Variants in RBFOX1 observed in about 807,000 individuals in gnomAD.
RBFOX1 encodes RNA binding protein fox-1 homolog 1.
Under a neutral mutation model 57.7 loss-of-function variants are expected in RBFOX1, and 8 were observed. The observed-to-expected ratio is 0.14, with a 90% confidence interval of 0.08 to 0.25. The LOEUF (loss-of-function observed/expected upper bound fraction) is 0.25. Ranked by LOEUF, RBFOX1 falls within the 10% of genes least tolerant of loss-of-function variation. RBFOX1 has a pLI of 1.00. For synonymous variants in RBFOX1, 326 were observed against 222.4 expected (o/e 1.47, Z -4.15); for missense variants, 611 against 548.5 (o/e 1.11, Z -1.14).
intron 5 of RBFOX1, among the ~76,000 whole-genome samples, chr16:7,568,274 G>A (rs555833371): frequency 1.3e-5 from 2 of 152,168 alleles, no homozygotes; most frequent in Admixed American, 1.3e-4. Flanking sequence ...TATTAAACAA[G>A]GGGTGGATTA....
At chr16:7,622,111 G>C (rs930643426) in intron 10 of RBFOX1, among the ~76,000 whole-genome samples, 5 of 152,164 alleles carry the variant, frequency 3.3e-5, no homozygotes, top group Admixed American at 2.6e-4. Context: ...AGTTGGATTT[G>C]GCCAAAAGTC....
chr16:5,756,780 A>G (rs987167499), intron 3 of RBFOX1, among the ~76,000 whole-genome samples: 1 of 152,314 alleles, frequency 6.6e-6, no homozygotes, highest in East Asian at 1.9e-4. Context: ...CTTGCCAGGG[A>G]TCTTGGCAAA....
intron 4 of RBFOX1, among the ~76,000 whole-genome samples, chr16:7,139,626 C>T (rs1276463733): frequency 6.6e-6 from 1 of 152,078 alleles, no homozygotes; most frequent in Non-Finnish European, 1.5e-5. Flanking sequence ...GATCAGAGAC[C>T]TGAGTCCACC....
chr16:6,790,800 C>T (rs2082794390), intron 3 of RBFOX1, among the ~76,000 whole-genome samples: 1 of 152,060 alleles, frequency 6.6e-6, no homozygotes, highest in African/African-American at 2.4e-5. Context: ...AATAGTTCTG[C>T]TAGAGGGTGG....
chr16:7,488,510 T>A (rs917572490), intron 4 of RBFOX1, among the ~76,000 whole-genome samples: 1 of 152,204 alleles, frequency 6.6e-6, no homozygotes, highest in Non-Finnish European at 1.5e-5. Flanking sequence ...ATTCATCCAT[T>A]GTCTACCTAT....
chr16:6,589,763 T>C (rs2097684703), intron 2 of RBFOX1, among the ~76,000 whole-genome samples: 1 of 152,236 alleles, frequency 6.6e-6, no homozygotes, highest in Non-Finnish European at 1.5e-5. Context: ...AAAATTAAAC[T>C]ATAAACTAGG....
At chr16:6,617,988 C>T (rs765221672) in intron 2 of RBFOX1, among the ~76,000 whole-genome samples, 1 of 152,060 alleles carries the variant, frequency 6.6e-6, no homozygotes, top group Non-Finnish European at 1.5e-5. Context: ...AGAAGGCTAC[C>T]CTTATCTTTT....
At chr16:7,236,133 A>C (rs184679939) in intron 4 of RBFOX1, among the ~76,000 whole-genome samples, 1 of 152,188 alleles carries the variant, frequency 6.6e-6, no homozygotes, top group Admixed American at 6.5e-5. Flanking sequence ...TGTTTGTGTC[A>C]TATCCTGCTC....
chr16:5,434,248 A>C (rs1292667593), intron 1 of RBFOX1, among the ~76,000 whole-genome samples: 1 of 151,530 alleles, frequency 6.6e-6, no homozygotes, highest in African/African-American at 2.4e-5. Context: ...GAGGCCTTAG[A>C]AGAGAAATAT....
At chr16:6,203,912 A>G (rs2097234698) in intron 1 of RBFOX1, among the ~76,000 whole-genome samples, 1 of 151,868 alleles carries the variant, frequency 6.6e-6, no homozygotes, top group African/African-American at 2.4e-5. Flanking sequence ...TGATCCCTGC[A>G]TACACAAACA....
At chr16:7,649,084 G>A (rs1401578643) in intron 11 of RBFOX1, among the ~76,000 whole-genome samples, 1 of 152,146 alleles carries the variant, frequency 6.6e-6, no homozygotes, top group African/African-American at 2.4e-5. Flanking sequence ...CCAGTCCACA[G>A]TGCAAAGCAA....
At chr16:6,854,529 TG>T (rs2057435146) in intron 3 of RBFOX1, among the ~76,000 whole-genome samples, 1 of 150,878 alleles carries the variant, frequency 6.6e-6, no homozygotes, top group African/African-American at 2.4e-5. Flanking sequence ...CTGTTTTGCC[TG>T]GCCAACGACA....
intron 1 of RBFOX1, among the ~76,000 whole-genome samples, chr16:5,378,961 C>T (rs910272886): frequency 1.3e-5 from 2 of 151,614 alleles, no homozygotes; most frequent in African/African-American, 4.9e-5. Flanking sequence ...ACTCTGCTGC[C>T]AATAATCTTT....
At chr16:6,394,305 C>T (rs2092728147) in intron 2 of RBFOX1, among the ~76,000 whole-genome samples, 1 of 152,274 alleles carries the variant, frequency 6.6e-6, no homozygotes, top group Admixed American at 6.5e-5. Context: ...TAATTAGTTT[C>T]TGAAGTGCTG....
At chr16:5,281,226 T>A (rs996447570) in intron 1 of RBFOX1, among the ~76,000 whole-genome samples, 1 of 152,196 alleles carries the variant, frequency 6.6e-6, no homozygotes, top group African/African-American at 2.4e-5. Flanking sequence ...TCCATGTATT[T>A]GTACAGTTTC....
At chr16:5,624,536 G>A (rs1451443496) in intron 3 of RBFOX1, among the ~76,000 whole-genome samples, 1 of 152,244 alleles carries the variant, frequency 6.6e-6, no homozygotes, top group African/African-American at 2.4e-5. Flanking sequence ...GTGGGGAAAA[G>A]CTCCTGAGAA....
chr16:6,711,312 G>C (rs1568313020), intron 3 of RBFOX1, among the ~76,000 whole-genome samples: 1 of 152,058 alleles, frequency 6.6e-6, no homozygotes, highest in East Asian at 1.9e-4. Context: ...GAGAATAAAA[G>C]AAAAAGTCCT....
intron 2 of RBFOX1, among the ~76,000 whole-genome samples, chr16:6,435,101 C>T (rs1031957258): frequency 7.9e-5 from 12 of 152,158 alleles, no homozygotes; most frequent in African/African-American, 2.9e-4. Context: ...ATTAGTCAGT[C>T]GAAGTGTCTA....
chr16:7,466,730 C>G (rs934419681), intron 4 of RBFOX1, among the ~76,000 whole-genome samples: 1 of 152,174 alleles, frequency 6.6e-6, no homozygotes, highest in Non-Finnish European at 1.5e-5. Context: ...TGATGATGCC[C>G]AGGTATCCAC....
Sources: allele counts gnomAD v4.1 joint callset (sites outside exome capture counted in the v4.1 genomes callset), GRCh38; gene constraint gnomAD v4.1.1; transcripts MANE v1.5; gene names NCBI Gene and HGNC (gene_info 2026-07-23, HGNC 2026-07-21).